Variants in TSPAN18 observed in about 807,000 individuals in gnomAD.
TSPAN18 encodes the protein tetraspanin-18.
A neutral mutation model predicts 27.3 loss-of-function variants in TSPAN18; 14 were observed. That is an observed-to-expected ratio of 0.51 (90% CI 0.34 to 0.80). The LOEUF (loss-of-function observed/expected upper bound fraction) is 0.80. Ranked by LOEUF, TSPAN18 falls within the 30% of genes least tolerant of loss-of-function variation. The pLI is 0.01. For synonymous variants in TSPAN18, 143 were observed against 136.5 expected (o/e 1.05, Z -0.33); for missense variants, 268 against 323.9 (o/e 0.83, Z 1.32).
intron 3 of TSPAN18, among the ~76,000 whole-genome samples, chr11:44,890,776 T>G (rs185366910): frequency 2.6e-4 from 39 of 152,092 alleles, no homozygotes; most frequent in Middle Eastern, 3.4e-3. Context: ...TGCTGGGAAT[T>G]TCTTAAAATG....
chr11:44,817,056 GAAGTGTGAGGC>G (rs1362543024), intron 2 of TSPAN18, among the ~76,000 whole-genome samples: 1 of 152,230 alleles, frequency 6.6e-6, no homozygotes. Context: ...TCCTCTCAGG[GAAGTGTGAGGC>G]TGGAGGCGAG....
chr11:44,862,467 T>C lies in TSPAN18; in HGVS notation c.-11+1998T>C, dbSNP rs569811093. Among the ~76,000 whole-genome samples, 511 of 152,300 alleles carry C rather than the reference T, an allele frequency of 3.4e-3. 5 individuals are homozygous for C. The highest frequency in any genetic ancestry group is 0.011 in the African/African-American group (458 of 41,570). ...AGCTCTGACTCACCATGCAGCCAGCTCAGCGCTCAGCACCACCCTGCCTTA... is the reference window on the plus strand; with the variant it reads ...AGCTCTGACTCACCATGCAGCCAGCCCAGCGCTCAGCACCACCCTGCCTTA... On this transcript the variant is annotated intron_variant, in intron 3 of 9. Coordinates refer to ENST00000520358, the MANE Select transcript of TSPAN18 (RefSeq NM_130783.5).
At chr11:44,788,410 A>G (rs1413477090) in intron 2 of TSPAN18, among the ~76,000 whole-genome samples, 1 of 151,480 alleles carries the variant, frequency 6.6e-6, no homozygotes, top group East Asian at 1.9e-4. Context: ...ACTAGTGGCT[A>G]CTATATTGGT....
In TSPAN18 at chr11:44,865,245, C is replaced by A. The variant is rs536229695; in HGVS notation, c.-11+4776C>A. 3.3e-5 allele frequency among the ~76,000 whole-genome samples: 5 copies of A among 152,220 alleles called. No individual in the cohort carries two copies. The East Asian group carries it at 9.7e-4, about 29-fold the overall frequency. ...AAACGCCAGCTCTGAGGCTGGGTGA[C>A]CTTGGGCGTGTTATTGAGTCTCTCT... On this transcript the variant is annotated intron_variant, in intron 3 of 9. Transcript: ENST00000520358.
chr11:44,894,624 AG>A, intron 3 of TSPAN18, among the ~76,000 whole-genome samples: 1 of 152,350 alleles, frequency 6.6e-6, no homozygotes, highest in East Asian at 1.9e-4. Context: ...TGGCCCGGGC[AG>A]GGGTCCGCCG....
chr11:44,729,265 T>G (rs1342130516), intron 1 of TSPAN18, among the ~76,000 whole-genome samples: 1 of 152,198 alleles, frequency 6.6e-6, no homozygotes, highest in Non-Finnish European at 1.5e-5. Flanking sequence ...AAAAGAAGTT[T>G]TTTTTTGTTG....
intron 1 of TSPAN18, among the ~76,000 whole-genome samples, chr11:44,754,433 G>T (rs1318053901): frequency 6.6e-6 from 1 of 152,204 alleles, no homozygotes; most frequent in Admixed American, 6.5e-5. Flanking sequence ...TTGCATCCAC[G>T]TGGAGTTCAG....
At chr11:44,733,856 T>C (rs150070285) in intron 1 of TSPAN18, among the ~76,000 whole-genome samples, 120 of 152,228 alleles carry the variant, frequency 7.9e-4, no homozygotes, top group Non-Finnish European at 1.4e-3. Flanking sequence ...CATTGTGTCC[T>C]TGTGAGAGTG....
intron 2 of TSPAN18, among the ~76,000 whole-genome samples, chr11:44,854,453 A>G (rs767322558): frequency 6.6e-6 from 1 of 152,310 alleles, no homozygotes; most frequent in South Asian, 2.1e-4. Context: ...CAAGTGCTCC[A>G]TACGTGGCAA....
At chr11:44,862,493 T>C (rs1487775391) in intron 3 of TSPAN18, among the ~76,000 whole-genome samples, 1 of 152,212 alleles carries the variant, frequency 6.6e-6, no homozygotes, top group East Asian at 1.9e-4. Flanking sequence ...CCCTGCCTTA[T>C]ATGGTGAGCT....
chr11:44,766,992 C>A (rs4755890), intron 2 of TSPAN18, among the ~76,000 whole-genome samples: 20,455 of 152,196 alleles, frequency 0.13, 1,858 homozygotes, highest in Middle Eastern at 0.21. Flanking sequence ...TGAACAATGG[C>A]AGCCCCCTTG....
chr11:44,915,475 T>C (rs556126287), intron 5 of TSPAN18, among the ~76,000 whole-genome samples: 3 of 152,112 alleles, frequency 2.0e-5, no homozygotes, highest in Admixed American at 2.0e-4. Context: ...CTCATCATAC[T>C]CTGCACTGGT....
intron 2 of TSPAN18, among the ~76,000 whole-genome samples, chr11:44,838,924 A>C (rs1478330061): frequency 1.3e-5 from 2 of 152,222 alleles, no homozygotes; most frequent in East Asian, 1.9e-4. Flanking sequence ...TTATGTGTCA[A>C]CTTGACTACC....
intron 3 of TSPAN18, among the ~76,000 whole-genome samples, chr11:44,896,418 TC>T (rs1859052375): frequency 6.6e-6 from 1 of 152,138 alleles, no homozygotes; most frequent in Non-Finnish European, 1.5e-5. Context: ...GATACCTACT[TC>T]ATAGGGTTGT....
chr11:44,873,097 G>T (rs1475577654), intron 3 of TSPAN18, among the ~76,000 whole-genome samples: 3 of 152,190 alleles, frequency 2.0e-5, no homozygotes, highest in Admixed American at 6.5e-5. Context: ...TGGATAAGGG[G>T]CTGGAGGTGA....
chr11:44,815,608 G>A (rs1414334974), intron 2 of TSPAN18, among the ~76,000 whole-genome samples: 1 of 152,198 alleles, frequency 6.6e-6, no homozygotes, highest in Non-Finnish European at 1.5e-5. Context: ...GCTGGGGATT[G>A]CTCTAGAATG....
Position 44,919,829 on chromosome 11 carries a change from G to C in TSPAN18, c.445G>C (p.Gly149Arg). The C allele has an allele frequency of 6.2e-7, 1 of 1,614,096 alleles. No homozygotes were observed. The highest frequency in any genetic ancestry group is 8.5e-7 in the Non-Finnish European group (1 of 1,179,996). ...GATCTCCCCCTAGTTTGGTTGCTGC[G>C]GGGTCAACGGGCCTGAAGACTTTAA... is the stretch of plus-strand genomic sequence containing the variant. ...NSVMITFGCC[G>R]VNGPEDFKFA... The change falls in exon 8 of 10, where the codon GGG (glycine) becomes CGG (arginine). Residue 149 changes from glycine to arginine, a missense_variant. Gly to Arg is a moderately radical substitution (Grantham distance 125, BLOSUM62 -2). Transcript: ENST00000520358.
intron 4 of TSPAN18, among the ~76,000 whole-genome samples, chr11:44,908,805 AAGAAAGAAAGAAAG>A (rs1256937840): frequency 8.5e-6 from 1 of 117,186 alleles, no homozygotes; most frequent in East Asian, 2.1e-4. Flanking sequence ...GAAAGAAAGA[AAGAAAGAAAGAAAG>A]AAAGAAAGAA....
At chr11:44,791,963 C>T (rs1256980997) in intron 2 of TSPAN18, among the ~76,000 whole-genome samples, 3 of 152,170 alleles carry the variant, frequency 2.0e-5, no homozygotes, top group Non-Finnish European at 4.4e-5. Flanking sequence ...CTACAGTGGG[C>T]TGCAGACAAT....
Sources: allele counts gnomAD v4.1 joint callset (sites outside exome capture counted in the v4.1 genomes callset), GRCh38; gene constraint gnomAD v4.1.1; transcripts MANE v1.5; gene names NCBI Gene and HGNC (gene_info 2026-07-23, HGNC 2026-07-21).